LRRC4C: variants seen among roughly 807,000 people sequenced by gnomAD.
LRRC4C encodes the protein leucine-rich repeat-containing protein 4C.
In LRRC4C, 5 loss-of-function variants were observed where a neutral mutation model predicts 33.6. That is an observed-to-expected ratio of 0.15 (90% CI 0.08 to 0.31). The LOEUF (loss-of-function observed/expected upper bound fraction) is 0.31, where lower values mean the gene tolerates loss of function less well. LRRC4C is among the 10% of genes least tolerant of loss of function. The pLI is 1.00. For synonymous variants in LRRC4C, 329 were observed against 302.0 expected (o/e 1.09, Z -0.93); for missense variants, 560 against 796.7 (o/e 0.70, Z 3.58).
chr11:40,122,668 T>C (rs569359027), intron 6 of LRRC4C, among the ~76,000 whole-genome samples: 6 of 152,212 alleles, frequency 3.9e-5, no homozygotes, highest in African/African-American at 1.4e-4. Context: ...ACAGGTTATA[T>C]TGATGATATT....
At chr11:40,255,312 AC>A (rs1293471419) in intron 4 of LRRC4C, among the ~76,000 whole-genome samples, 2 of 152,136 alleles carry the variant, frequency 1.3e-5, no homozygotes, top group African/African-American at 2.4e-5. Flanking sequence ...AGAGGAAACA[AC>A]AAAAGCAAAA....
At chr11:40,260,970 T>C (rs1418250447) in intron 4 of LRRC4C, among the ~76,000 whole-genome samples, 1 of 152,144 alleles carries the variant, frequency 6.6e-6, no homozygotes, top group Non-Finnish European at 1.5e-5. Flanking sequence ...AACTTTGAAC[T>C]TCTGGGCTCA....
chr11:40,222,874 T>C (rs1052028073), intron 5 of LRRC4C, among the ~76,000 whole-genome samples: 1 of 151,950 alleles, frequency 6.6e-6, no homozygotes, highest in African/African-American at 2.4e-5. Context: ...GATCGTCAGA[T>C]AAATGTGAAT....
chr11:41,169,767 GT>G (rs772053933), intron 1 of LRRC4C, among the ~76,000 whole-genome samples: 5 of 152,036 alleles, frequency 3.3e-5, no homozygotes, highest in Non-Finnish European at 7.4e-5. Context: ...GCTTTATTAC[GT>G]TTGTTCTGTG....
At chr11:40,490,150 TA>T (rs531726677) in intron 3 of LRRC4C, among the ~76,000 whole-genome samples, 216 of 152,276 alleles carry the variant, frequency 1.4e-3, no homozygotes, top group Non-Finnish European at 2.6e-3. Flanking sequence ...AATGTATAAC[TA>T]AAAAAAGTAG....
At chr11:41,090,268 T>C (rs921018155) in intron 1 of LRRC4C, among the ~76,000 whole-genome samples, 1 of 152,040 alleles carries the variant, frequency 6.6e-6, no homozygotes, top group Non-Finnish European at 1.5e-5. Flanking sequence ...GAGGGAGTAA[T>C]GAACAACATC....
intron 1 of LRRC4C, among the ~76,000 whole-genome samples, chr11:41,078,853 C>T (rs1331856821): frequency 6.6e-6 from 1 of 152,132 alleles, no homozygotes; most frequent in Non-Finnish European, 1.5e-5. Flanking sequence ...ATTTCTAAAT[C>T]TGTGAATTTT....
chr11:40,157,281 AC>A (rs1858778203), intron 5 of LRRC4C, among the ~76,000 whole-genome samples: 1 of 152,178 alleles, frequency 6.6e-6, no homozygotes, highest in Non-Finnish European at 1.5e-5. Flanking sequence ...AAAGACTTAA[AC>A]CTAAGACCTG....
chr11:41,020,429 G>A (rs904586520), intron 1 of LRRC4C, among the ~76,000 whole-genome samples: 26 of 152,076 alleles, frequency 1.7e-4, no homozygotes, highest in African/African-American at 5.8e-4. Flanking sequence ...ATACTGGAAC[G>A]GGTGGGTCCT....
chr11:40,405,728 G>C (rs1401081216), intron 3 of LRRC4C, among the ~76,000 whole-genome samples: 2 of 135,220 alleles, frequency 1.5e-5, no homozygotes, highest in Non-Finnish European at 3.2e-5. Flanking sequence ...AAGAAGTTTT[G>C]AGAAACTTTT....
intron 3 of LRRC4C, among the ~76,000 whole-genome samples, chr11:40,449,939 T>C (rs1951811743): frequency 6.6e-6 from 1 of 152,204 alleles, no homozygotes. Flanking sequence ...GAAATTTAAG[T>C]TTAATTTCCA....
chr11:40,250,295 A>G (rs1300151578), intron 4 of LRRC4C, among the ~76,000 whole-genome samples: 1 of 151,926 alleles, frequency 6.6e-6, no homozygotes, highest in Non-Finnish European at 1.5e-5. Context: ...ACATAGAAAG[A>G]TACCGAAATT....
In LRRC4C at chr11:41,196,693, A is replaced by G. The variant is rs539028671; in HGVS notation, c.-496+262738T>C. ...GGTAGATAGATGAATAGATGGATGG[A>G]CAGATAAACGGATGCATGAATGAAT... is the stretch of plus-strand genomic sequence containing the variant. On this transcript the variant is annotated intron_variant, in intron 1 of 6. Transcript: ENST00000528697. 1.6e-4 allele frequency among the ~76,000 whole-genome samples: 24 copies of G among 152,142 alleles called. No individual in the cohort carries two copies. In the South Asian group the frequency reaches 5.0e-3, roughly 32 times the overall value.
intron 1 of LRRC4C, among the ~76,000 whole-genome samples, chr11:41,427,894 C>A (rs1172911640): frequency 2.0e-5 from 3 of 152,084 alleles, no homozygotes; most frequent in Non-Finnish European, 4.4e-5. Context: ...CAGCCTGGCT[C>A]AAAAGCTCCC....
intron 2 of LRRC4C, among the ~76,000 whole-genome samples, chr11:40,752,228 C>T (rs918249302): frequency 1.8e-4 from 27 of 151,890 alleles, no homozygotes; most frequent in Non-Finnish European, 2.9e-5. Flanking sequence ...AAGGTATAGA[C>T]GACTGACACA....
intron 1 of LRRC4C, among the ~76,000 whole-genome samples, chr11:41,014,590 C>G (rs1334004322): frequency 6.6e-6 from 1 of 151,562 alleles, no homozygotes; most frequent in African/African-American, 2.4e-5. Flanking sequence ...AACCTGGAGG[C>G]CCACACATTT....
chr11:40,536,128 A>G (rs942491285), intron 3 of LRRC4C, among the ~76,000 whole-genome samples: 1 of 152,284 alleles, frequency 6.6e-6, no homozygotes, highest in African/African-American at 2.4e-5. Flanking sequence ...TAGAAATGCA[A>G]TTCTTAGGCT....
chr11:40,278,460 T>C (rs1334739334), intron 4 of LRRC4C, among the ~76,000 whole-genome samples: 3 of 152,206 alleles, frequency 2.0e-5, no homozygotes, highest in African/African-American at 7.2e-5. Context: ...TGTTACTGAC[T>C]GAAGATGATT....
At chr11:40,404,943 C>T (rs1949905166) in intron 3 of LRRC4C, among the ~76,000 whole-genome samples, 1 of 151,904 alleles carries the variant, frequency 6.6e-6, no homozygotes, top group Non-Finnish European at 1.5e-5. Context: ...CCCCACCACC[C>T]TCAAGGCAAG....
Sources: allele counts gnomAD v4.1 joint callset (sites outside exome capture counted in the v4.1 genomes callset), GRCh38; gene constraint gnomAD v4.1.1; transcripts MANE v1.5; gene names NCBI Gene and HGNC (gene_info 2026-07-23, HGNC 2026-07-21).